Variants in ANKS1A observed in about 807,000 individuals in gnomAD.
The protein encoded by ANKS1A is ankyrin repeat and SAM domain-containing protein 1A.
Under a neutral mutation model 120.3 loss-of-function variants are expected in ANKS1A, and 55 were observed. The observed-to-expected ratio is 0.46, with a 90% CI of 0.37 to 0.57. The LOEUF is 0.57. Among genes scored for constraint, ANKS1A ranks in the 20% least tolerant of loss-of-function variants. ANKS1A has a pLI of 0.00. For synonymous variants in ANKS1A, 590 were observed against 604.7 expected, an observed-to-expected ratio of 0.98 and a Z score of 0.36; for missense variants, 1,123 against 1,480.3, an observed-to-expected ratio of 0.76 and a Z score of 3.96.
At chr6:34,967,522 CAAA>C (rs10559753) in intron 2 of ANKS1A, among the ~76,000 whole-genome samples, 12,617 of 96,612 alleles carry the variant, frequency 0.13, 731 homozygotes, top group East Asian at 0.28. Context: ...TCCATCTCCA[CAAA>C]AAAAAAAAAA....
intron 13 of ANKS1A, among the ~76,000 whole-genome samples, chr6:35,074,254 A>T (rs1777227258): frequency 6.6e-6 from 1 of 152,198 alleles, no homozygotes; most frequent in Admixed American, 6.5e-5. Flanking sequence ...TGGAGGTTTG[A>T]GGCAGGCTCA....
In ANKS1A at chr6:34,987,373, C is replaced by T. The variant is rs975164552; in HGVS notation, c.1210-1851C>T. Reference sequence around the variant, plus strand: ...TTTTTTGGCCTTAGGAAGGCTTCTACGATGAGTTCTTTTTGTTGTTGTGTT... The same window carrying T: ...TTTTTTGGCCTTAGGAAGGCTTCTATGATGAGTTCTTTTTGTTGTTGTGTT... On this transcript the variant is annotated intron_variant, in intron 8 of 23. Transcript: ENST00000360359. 5.3e-5 allele frequency among the ~76,000 whole-genome samples: 8 copies of T among 152,284 alleles called. No individual in the cohort carries two copies. The East Asian group carries it at 5.8e-4, about 11-fold the overall frequency.
chr6:34,940,814 G>A (rs780444703), intron 1 of ANKS1A, among the ~76,000 whole-genome samples: 2 of 151,412 alleles, frequency 1.3e-5, no homozygotes, highest in Admixed American at 6.6e-5. Context: ...AGGCTGAGGC[G>A]GGAGAATCGC....
rs776754609 is a variant in ANKS1A, at chr6:34,889,631, G to A, written c.197+32G>A. 1 of 1,273,932 alleles carries A rather than the reference G, an allele frequency of 7.8e-7. No homozygotes were observed. 78.9% of individuals were successfully genotyped at this position (1,273,932 alleles called of 1,614,324 possible). The stretch of plus-strand genomic sequence containing the variant: ...ACGCGCCAGGGCCGGGCCGCTGCCT[G>A]CAGACCCTTTCTCCCCCACCCGTCT... On this transcript the variant is annotated intron_variant, in intron 1 of 23. Transcript: ENST00000360359. This position sits in a 1 kb window ranked among gnomAD's most constrained non-coding sequence, Gnocchi z 5.5.
At chr6:34,989,694 C>A (rs965459309) in intron 9 of ANKS1A, among the ~76,000 whole-genome samples, 1 of 152,126 alleles carries the variant, frequency 6.6e-6, no homozygotes. Flanking sequence ...GTGCTTCTGC[C>A]CCAAACATCT....
downstream of ANKS1A, among the ~76,000 whole-genome samples, chr6:35,094,231 C>G (rs1051915335): frequency 2.0e-5 from 3 of 152,064 alleles, no homozygotes; most frequent in African/African-American, 7.2e-5. Flanking sequence ...CTTATCATAC[C>G]AATATCCAGA....
Position 35,060,172 on chromosome 6 carries a change from C to T in ANKS1A, c.2103C>T (p.Val701=), listed in dbSNP as rs763924513. 8 of 1,613,658 alleles carry T rather than the reference C, an allele frequency of 5.0e-6. No homozygotes were observed. The highest frequency in any genetic ancestry group is 1.1e-5 in the South Asian group (1 of 90,938). Residue 701 remains valine, a synonymous_variant, in exon 13 of 24, where the codon GTC becomes GTT. Coordinates refer to ENST00000360359, the MANE Select transcript of ANKS1A (RefSeq NM_015245.3). The surrounding 1 kb of genome is among the most constrained non-coding windows in gnomAD (Gnocchi z 4.5). ...GTTTACGGACGCTGGAGCAGAGTGT[C>T]GGGGAGTGGCTGGAGTCGATTGGGC... is the stretch of plus-strand genomic sequence containing the variant. The part of the protein sequence containing the change: ...ISGLRTLEQS[V]GEWLESIGLQ...
chr6:34,924,149 T>G, intron 1 of ANKS1A, among the ~76,000 whole-genome samples: 1 of 148,904 alleles, frequency 6.7e-6, no homozygotes, highest in African/African-American at 2.5e-5. Context: ...TCCCCTGTAT[T>G]TGTGGGTGTT....
At position 34,982,936 on chromosome 6, in the gene ANKS1A, G is replaced by C. The variant is rs1266144195; in HGVS notation, c.808+109G>C. On this transcript the variant is annotated intron_variant, in intron 5 of 23. Coordinates refer to ENST00000360359, the MANE Select transcript of ANKS1A (RefSeq NM_015245.3). The surrounding 1 kb of genome is among the most constrained non-coding windows in gnomAD (Gnocchi z 4.9). ...GGCTGTGTTTGAACTCAATGTATGTGTATCTCCACTGGTTGATTACAAGTG... is the reference window on the plus strand; with the variant it reads ...GGCTGTGTTTGAACTCAATGTATGTCTATCTCCACTGGTTGATTACAAGTG... The C allele has an allele frequency of 7.4e-7, 1 of 1,353,004 alleles. No individual in the cohort carries two copies. Among genetic ancestry groups the C allele is most frequent in the Non-Finnish European group, 1.1e-6 (1 of 947,110 alleles). The allele number at this position is 1,353,004 out of a possible 1,614,324, so 83.8% of individuals were successfully genotyped here.
intron 1 of ANKS1A, among the ~76,000 whole-genome samples, chr6:34,911,411 GT>G (rs1253855890): frequency 6.6e-6 from 1 of 152,188 alleles, no homozygotes; most frequent in Non-Finnish European, 1.5e-5. Flanking sequence ...GCTTTGGCCT[GT>G]GTTCTGCTGT....
intron 1 of ANKS1A, among the ~76,000 whole-genome samples, chr6:34,919,655 G>A (rs530392965): frequency 1.3e-5 from 2 of 152,240 alleles, no homozygotes; most frequent in South Asian, 4.1e-4. Context: ...TCTGCTACTT[G>A]CTAGCAGTAT....
chr6:34,970,209 C>A, intron 3 of ANKS1A, 43 bp downstream of exon 3: 1 of 1,571,726 alleles, frequency 6.4e-7, no homozygotes, highest in Admixed American at 1.8e-5. Context: ...TCAGCTATAG[C>A]CAGATGTGGC....
chr6:35,091,544 T>A, downstream of ANKS1A: 2 of 557,748 alleles, frequency 3.6e-6, no homozygotes, highest in Non-Finnish European at 4.6e-6. Flanking sequence ...ACAGCTTGGC[T>A]GTTTGGCTTT....
rs1424361064 is a variant in ANKS1A at position 35,060,105 on chromosome 6, GT to G, written c.2078-37del. On this transcript the variant is annotated intron_variant, in intron 12 of 23. Coordinates refer to ENST00000360359, the MANE Select transcript of ANKS1A (RefSeq NM_015245.3). The surrounding 1 kb of genome is among the most constrained non-coding windows in gnomAD (Gnocchi z 4.5). ...GAGTGCCGCTGCTACCGCCTTAATGGTTTTTCCCTTTTCAAGCGTCTGCCGA... is the reference window on the plus strand; with the variant it reads ...GAGTGCCGCTGCTACCGCCTTAATGGTTTTCCCTTTTCAAGCGTCTGCCGA... 1.3e-6 allele frequency: 2 copies of G among 1,552,210 alleles called. No individual in the cohort carries two copies. Among genetic ancestry groups the G allele is most frequent in the Non-Finnish European group, 1.8e-6 (2 of 1,131,780 alleles).
rs141185813 is a variant in ANKS1A, at chr6:34,891,117, G to A, written c.197+1518G>A. On this transcript the variant is annotated intron_variant, in intron 1 of 23. Coordinates refer to ENST00000360359, the MANE Select transcript of ANKS1A (RefSeq NM_015245.3). ...ATTTAGGGATGGAGTGGAAGTCAGG[G>A]CTTCCAAAAGGAGGGAGACTTAAGC... Among the ~76,000 whole-genome samples, 686 of 152,308 alleles carry A rather than the reference G, an allele frequency of 4.5e-3. 4 individuals are homozygous for A. The highest frequency in any genetic ancestry group is 0.015 in the African/African-American group (639 of 41,566).
At chr6:34,897,083 T>TGAG (rs1027651620) in intron 1 of ANKS1A, among the ~76,000 whole-genome samples, 4 of 152,222 alleles carry the variant, frequency 2.6e-5, no homozygotes, top group African/African-American at 9.6e-5. Context: ...GGTGGAAGGT[T>TGAG]GAGGCTGCAG....
Position 35,070,855 on chromosome 6 carries a change from AG to A in ANKS1A, c.2185-7702del, listed in dbSNP as rs1777050854. The A allele has an allele frequency of 9.9e-6, 6 of 605,636 alleles. No homozygotes were observed. In the Admixed American group the frequency reaches 1.1e-4, roughly 12 times the overall value. The allele number at this position is 605,636 out of a possible 1,614,324, so 37.5% of individuals were successfully genotyped here. On this transcript the variant is annotated intron_variant, in intron 13 of 23. Coordinates refer to ENST00000360359, the MANE Select transcript of ANKS1A (RefSeq NM_015245.3). ...GTGTGTGTGTGTGTGTGCGCGCCAA[AG>A]ATTTATTTCTTCATTTCTTGCATTT...
At chr6:35,095,732 T>G (rs192441808), downstream of ANKS1A, among the ~76,000 whole-genome samples, 24 of 150,272 alleles carry the variant, frequency 1.6e-4, no homozygotes, top group African/African-American at 5.9e-4. Context: ...GACCACAACC[T>G]TTTGAAAACT....
chr6:35,085,895 A>G lies in ANKS1A; in HGVS notation c.3262A>G (p.Lys1088Glu). Residue 1088 changes from lysine (K) to glutamate (E), a missense_variant, in exon 22 of 24, where the codon AAA (lysine) becomes GAA (glutamate). Physicochemically the swap from Lys to Glu is moderately conservative, Grantham distance 56. Coordinates refer to ENST00000360359, the MANE Select transcript of ANKS1A (RefSeq NM_015245.3). The surrounding 1 kb of genome is among the most constrained non-coding windows in gnomAD (Gnocchi z 4.7). ...TGAGATGATTGAAACAAAATCTTCC[A>G]AACCGGTGCCTAAGCCTCGGGTCGG... The part of the protein sequence containing the change: ...AAEMIETKSS[K>E]PVPKPRVGVR... 5 of 1,613,206 alleles carry G rather than the reference A, an allele frequency of 3.1e-6. No individual in the cohort carries two copies. The highest frequency in any genetic ancestry group is 4.2e-6 in the Non-Finnish European group (5 of 1,179,782).
Sources: gnomAD v4.1 joint callset for allele counts (sites outside exome capture counted in the v4.1 genomes callset) on GRCh38, gnomAD v4.1.1 for gene constraint, Gnocchi (gnomAD v3.1) non-coding constraint, MANE v1.5 for transcripts, NCBI Gene and HGNC (gene_info 2026-07-23, HGNC 2026-07-21) for gene names.